SELENOT: variants seen among roughly 807,000 people sequenced by gnomAD.
SELENOT encodes thioredoxin reductase-like selenoprotein T.
SELENOT carries 9 observed loss-of-function variants against 24.3 expected under a neutral mutation model. The observed-to-expected ratio is 0.37, with a 90% CI of 0.22 to 0.65. The LOEUF is 0.65. Among genes scored for constraint, SELENOT ranks in the 30% least tolerant of loss-of-function variants. SELENOT has a pLI of 0.60. For synonymous variants in SELENOT, 81 were observed against 86.0 expected, an observed-to-expected ratio of 0.94 and a Z score of 0.32; for missense variants, 166 against 247.6, an observed-to-expected ratio of 0.67 and a Z score of 2.21.
At chr3:150,616,038 T>C (rs1385211700) in intron 1 of SELENOT, among the ~76,000 whole-genome samples, 4 of 151,950 alleles carry the variant, frequency 2.6e-5, no homozygotes, top group East Asian at 1.9e-4. Flanking sequence ...CCCTCAGAAA[T>C]GATGCCGCAT....
At position 150,622,383 on chromosome 3, in the gene SELENOT, A is replaced by G; in HGVS notation, c.138-2A>G. ...TTAATGGAAACACTTATTTTTCTGC[A>G]GTGTTTCCTGAGGTTATAGGCGGGT... is the stretch of plus-strand genomic sequence containing the variant. On this transcript the variant is annotated splice_acceptor_variant, in intron 1 of 5. Transcript: ENST00000471696. LOFTEE classifies it high-confidence loss of function. 5 of 1,375,550 alleles carry G rather than the reference A, an allele frequency of 3.6e-6. No homozygotes were observed. The highest frequency in any genetic ancestry group is 4.8e-6 in the Non-Finnish European group (5 of 1,039,538). The allele number at this position is 1,375,550 out of a possible 1,614,324, so 85.2% of individuals were successfully genotyped here.
At chr3:150,612,051 C>G (rs1460245554) in intron 1 of SELENOT, among the ~76,000 whole-genome samples, 1 of 151,932 alleles carries the variant, frequency 6.6e-6, no homozygotes, top group Non-Finnish European at 1.5e-5. Flanking sequence ...CAGAGTCGAG[C>G]GTCTCCTGGA....
chr3:150,614,495 A>G (rs534164301), intron 1 of SELENOT: 132 of 154,840 alleles, frequency 8.5e-4, no homozygotes, highest in Non-Finnish European at 1.7e-3. Context: ...GAAAATACGA[A>G]AAGTAGACTT....
chr3:150,605,922 A>G (rs879335690), intron 1 of SELENOT, among the ~76,000 whole-genome samples: 2 of 152,216 alleles, frequency 1.3e-5, no homozygotes, highest in Non-Finnish European at 2.9e-5. Flanking sequence ...ACCACTGCTA[A>G]CAATCAAAAG....
chr3:150,611,992 C>T, intron 1 of SELENOT: 1 of 553,662 alleles, frequency 1.8e-6, no homozygotes, highest in East Asian at 3.6e-5. Flanking sequence ...ACCAACTGGG[C>T]CTGCTGCTGC....
intron 1 of SELENOT, among the ~76,000 whole-genome samples, chr3:150,605,204 G>A (rs1424080297): frequency 6.6e-6 from 1 of 152,174 alleles, no homozygotes; most frequent in African/African-American, 2.4e-5. Context: ...GTTAAGGGTT[G>A]TGATACTTAC....
rs1429277884 is a variant in SELENOT, at chr3:150,622,398, T to C, written c.151T>C (p.Tyr51His). ...ATTTTTCTGCAGTGTTTCCTGAGGT[T>C]ATAGGCGGGTGTTTGAGGAGTACAT... ...LKFQICVSUG[Y>H]RRVFEEYMRV... Residue 51 changes from tyrosine (Y) to histidine (H), a missense_variant, in exon 2 of 6, where the codon TAT becomes CAT. Coordinates refer to ENST00000471696, the MANE Select transcript of SELENOT (RefSeq NM_016275.5). The C allele has an allele frequency of 6.8e-7, 1 of 1,462,654 alleles. No homozygotes were observed. The highest frequency in any genetic ancestry group is 1.4e-5 in the African/African-American group (1 of 70,510). The allele number at this position is 1,462,654 out of a possible 1,614,324, so 90.6% of individuals were successfully genotyped here.
intron 1 of SELENOT, among the ~76,000 whole-genome samples, chr3:150,608,982 A>G (rs1447669873): frequency 6.6e-6 from 1 of 152,178 alleles, no homozygotes; most frequent in African/African-American, 2.4e-5. Flanking sequence ...TGATTAGTAC[A>G]GTTTCTTTCT....
intron 1 of SELENOT, among the ~76,000 whole-genome samples, chr3:150,610,207 T>A (rs1726058606): frequency 6.6e-6 from 1 of 152,350 alleles, no homozygotes; most frequent in South Asian, 2.1e-4. Flanking sequence ...AGTTTGGCAT[T>A]ACGAAACCTA....
At chr3:150,606,009 C>A (rs904548500) in intron 1 of SELENOT, among the ~76,000 whole-genome samples, 3 of 152,088 alleles carry the variant, frequency 2.0e-5, no homozygotes, top group African/African-American at 7.2e-5. Flanking sequence ...AATAACTATA[C>A]CTCAATATAT....
chr3:150,617,943 G>A (rs1332646960), intron 1 of SELENOT, among the ~76,000 whole-genome samples: 5 of 151,932 alleles, frequency 3.3e-5, no homozygotes, highest in Non-Finnish European at 5.9e-5. Context: ...TGCAACCCCC[G>A]CCTCCTGGGT....
chr3:150,619,270 G>A (rs946482145), intron 1 of SELENOT, among the ~76,000 whole-genome samples: 5 of 149,510 alleles, frequency 3.3e-5, no homozygotes, highest in African/African-American at 1.2e-4. Context: ...GGTGGCTCAC[G>A]CCTGTAATCC....
rs185282095 is a variant in SELENOT at position 150,629,805 on chromosome 3, T to C, written c.*2176T>C. The C allele has an allele frequency of 5.9e-5, 9 of 152,670 alleles. No homozygotes were observed. The highest frequency in any genetic ancestry group is 2.0e-4 in the Admixed American group (3 of 15,290). 9.5% of individuals were successfully genotyped at this position (152,670 alleles called of 1,614,324 possible). A position where few individuals can be genotyped will look rare whatever the true frequency, so the allele number is the denominator to read the frequency against. On this transcript the variant is annotated 3_prime_UTR_variant, in exon 6 of 6. Coordinates refer to ENST00000471696, the MANE Select transcript of SELENOT (RefSeq NM_016275.5). ...AAGAATGAATATAAAAGTAATAATATAAGGAAAAAGGGAAAGTAAACTATT... is the reference window on the plus strand; with the variant it reads ...AAGAATGAATATAAAAGTAATAATACAAGGAAAAAGGGAAAGTAAACTATT...
chr3:150,626,943 G>C (rs1726457816), intron 4 of SELENOT, 67 bp from the exon 5 acceptor site: 1 of 1,488,136 alleles, frequency 6.7e-7, no homozygotes, highest in Non-Finnish European at 9.2e-7. Context: ...ATAAATATTA[G>C]TGGGATGAAT....
intron 1 of SELENOT, among the ~76,000 whole-genome samples, chr3:150,616,330 A>C (rs58711225): frequency 0.19 from 25,838 of 136,320 alleles, 1,737 homozygotes; most frequent in East Asian, 0.41. Context: ...CAATGGCAAC[A>C]AAAGCCAAAA....
At chr3:150,617,967 A>G (rs1177548551) in intron 1 of SELENOT, among the ~76,000 whole-genome samples, 1 of 151,920 alleles carries the variant, frequency 6.6e-6, no homozygotes, top group Non-Finnish European at 1.5e-5. Flanking sequence ...AGTGATTCTC[A>G]TGCCTCAGCC....
At chr3:150,606,223 G>A (rs904484990) in intron 1 of SELENOT, among the ~76,000 whole-genome samples, 1 of 149,566 alleles carries the variant, frequency 6.7e-6, no homozygotes, top group African/African-American at 2.5e-5. Flanking sequence ...TGATCACGGA[G>A]CCTTGACTTC....
chr3:150,611,026 T>TGTGTGTGTGTGTGTGG (rs1296634623), intron 1 of SELENOT, among the ~76,000 whole-genome samples: 7 of 152,210 alleles, frequency 4.6e-5, no homozygotes, highest in African/African-American at 1.7e-4. Flanking sequence ...TGTGTGTGTG[T>TGTGTGTGTGTGTGTGG]GTGTGTGTGT....
chr3:150,615,280 G>C (rs1385895274), intron 1 of SELENOT, among the ~76,000 whole-genome samples: 1 of 151,728 alleles, frequency 6.6e-6, no homozygotes, highest in African/African-American at 2.4e-5. Flanking sequence ...GGACATTTGG[G>C]TTGGTTCCAA....
Sources: gnomAD v4.1 joint callset for allele counts (sites outside exome capture counted in the v4.1 genomes callset) on GRCh38, gnomAD v4.1.1 for gene constraint, MANE v1.5 for transcripts, NCBI Gene and HGNC (gene_info 2026-07-23, HGNC 2026-07-21) for gene names.